The following ST6GAL2 variants were observed in gnomAD, a reference collection of about 807,000 sequenced individuals.
ST6GAL2 encodes the protein ST6 beta-galactoside alpha-2,6-sialyltransferase 2, also known as beta-galactoside alpha-2,6-sialyltransferase 2.
A neutral mutation model predicts 37.5 loss-of-function variants in ST6GAL2; 24 were observed. That is an observed-to-expected ratio of 0.64 (90% CI 0.46 to 0.90). ST6GAL2 has a LOEUF of 0.90. ST6GAL2 is among the 40% of genes least tolerant of loss of function. ST6GAL2 has a pLI of 0.00. For missense variants in ST6GAL2, 715 were observed against 712.7 expected (o/e 1.00, Z -0.04); for synonymous variants, 306 against 295.1 (o/e 1.04, Z -0.38).
intron 1 of ST6GAL2, among the ~76,000 whole-genome samples, chr2:106,859,070 G>T (rs567401276): frequency 1.3e-5 from 2 of 152,334 alleles, no homozygotes; most frequent in African/African-American, 4.8e-5. Flanking sequence ...ATATGTGCAA[G>T]TGGATGCTAA....
rs952861175 is a variant in ST6GAL2 at position 106,843,936 on chromosome 2, G to T, written c.42C>A (p.Phe14Leu). The T allele has an allele frequency of 6.3e-7, 1 of 1,596,416 alleles. No individual in the cohort carries two copies. The highest frequency in any genetic ancestry group is 1.1e-5 in the South Asian group (1 of 90,936). Reference sequence around the variant, plus strand: ...AGAGGAGCCCCCAAGCGAATATTCCGAAAAGCATTCGTTGTCTCCATTGCT... The same window carrying T: ...AGAGGAGCCCCCAAGCGAATATTCCTAAAAGCATTCGTTGTCTCCATTGCT... ...HLKQWRQRML[F>L]GIFAWGLLFL... Residue 14 changes from phenylalanine (F) to leucine (L), a missense_variant, in exon 2 of 6, where the codon TTC (phenylalanine) becomes TTA (leucine). Physicochemically the swap from Phe to Leu is conservative, Grantham distance 22 (BLOSUM62 0). Around this residue, in one of 3 missense-constraint regions of ST6GAL2, gnomAD observed 512 missense variants for 488.8 expected, o/e 1.05. Transcript: ENST00000409382.
intron 1 of ST6GAL2, among the ~76,000 whole-genome samples, chr2:106,868,497 G>A (rs879406865): frequency 1.3e-5 from 2 of 152,150 alleles, no homozygotes; most frequent in Admixed American, 1.3e-4. Context: ...ACTCTTCATA[G>A]GTCATAAATT....
At chr2:106,867,897 C>T (rs527436325) in intron 1 of ST6GAL2, among the ~76,000 whole-genome samples, 2 of 152,238 alleles carry the variant, frequency 1.3e-5, no homozygotes, top group South Asian at 4.2e-4. Flanking sequence ...CAACCTCTCC[C>T]TCCCCCCACA....
intron 5 of ST6GAL2, among the ~76,000 whole-genome samples, chr2:106,818,839 A>G (rs1430047145): frequency 1.3e-5 from 2 of 152,176 alleles, no homozygotes; most frequent in African/African-American, 4.8e-5. Context: ...GAAATTCAAG[A>G]TAACAGAAAG....
At chr2:106,813,056 TG>T in intron 5 of ST6GAL2, 1 of 1,231,326 alleles carries the variant, frequency 8.1e-7, no homozygotes, top group Non-Finnish European at 1.0e-6. Flanking sequence ...CAAATGGGTA[TG>T]GGGCCAGCTG....
intron 1 of ST6GAL2, among the ~76,000 whole-genome samples, chr2:106,858,025 A>C (rs564469147): frequency 1.8e-4 from 28 of 152,316 alleles, no homozygotes; most frequent in Admixed American, 1.4e-3. Flanking sequence ...GCTTGCTGTC[A>C]CATCTTCTTC....
intron 3 of ST6GAL2, among the ~76,000 whole-genome samples, chr2:106,832,995 A>G (rs76421732): frequency 2.0e-5 from 3 of 152,140 alleles, no homozygotes; most frequent in East Asian, 1.9e-4. Context: ...TTGCCTTCAC[A>G]TGTAATTTGG....
At chr2:106,875,462 G>A (rs1655062484) in intron 1 of ST6GAL2, among the ~76,000 whole-genome samples, 2 of 152,182 alleles carry the variant, frequency 1.3e-5, no homozygotes, top group African/African-American at 4.8e-5. Flanking sequence ...ACAGGCGTGA[G>A]CCACTGCACC....
At chr2:106,819,692 A>G (rs919587589) in intron 5 of ST6GAL2, among the ~76,000 whole-genome samples, 1 of 152,094 alleles carries the variant, frequency 6.6e-6, no homozygotes, top group Non-Finnish European at 1.5e-5. Flanking sequence ...CACTATATTA[A>G]GTACATAGAA....
At chr2:106,856,275 T>C (rs1413682606) in intron 1 of ST6GAL2, among the ~76,000 whole-genome samples, 4 of 152,198 alleles carry the variant, frequency 2.6e-5, no homozygotes, top group Non-Finnish European at 5.9e-5. Context: ...CTCTCCTCTT[T>C]CCATGTTGAG....
intron 5 of ST6GAL2, among the ~76,000 whole-genome samples, chr2:106,807,841 G>T (rs1212675308): frequency 6.6e-6 from 1 of 151,938 alleles, no homozygotes; most frequent in Non-Finnish European, 1.5e-5. Context: ...AGCCAGGATG[G>T]TCTCAATCTC....
chr2:106,849,945 A>T (rs76521896), intron 1 of ST6GAL2, among the ~76,000 whole-genome samples: 15,162 of 152,126 alleles, frequency 0.1, 956 homozygotes, highest in Admixed American at 0.12. Context: ...TTTTATCTAC[A>T]ATGCCTGTCT....
At chr2:106,813,471 T>C (rs953513598) in intron 5 of ST6GAL2, among the ~76,000 whole-genome samples, 8 of 152,212 alleles carry the variant, frequency 5.3e-5, no homozygotes, top group Non-Finnish European at 1.2e-4. Flanking sequence ...CTTTAACACA[T>C]GTTCAGATTA....
chr2:106,836,586 T>C (rs890868199), intron 2 of ST6GAL2, among the ~76,000 whole-genome samples: 2 of 151,564 alleles, frequency 1.3e-5, no homozygotes, highest in African/African-American at 4.9e-5. Context: ...TATATATATA[T>C]AATATGTTAG....
rs202001830 is a variant in ST6GAL2, at chr2:106,843,637, G to A, written c.341C>T (p.Ser114Phe). Residue 114 changes from serine (S) to phenylalanine (F), a missense_variant, in exon 2 of 6, where the codon TCC becomes TTC. This residue lies in a region of ST6GAL2 where 512 missense variants were observed against 488.8 expected (regional missense o/e 1.05). Coordinates refer to ENST00000409382, the MANE Select transcript of ST6GAL2 (RefSeq NM_001142351.2). ...DGFEHKEFFS[S>F]QVGRKSQSAF... ...ACTTTGAGATTTTCTCCCCACCTGG[G>A]ATGAAAAAAACTCTTTATGTTCAAA... 3 of 1,613,768 alleles carry A rather than the reference G, an allele frequency of 1.9e-6. No individual in the cohort carries two copies. Among genetic ancestry groups the A allele is most frequent in the East Asian group, 4.5e-5 (2 of 44,840 alleles).
intron 1 of ST6GAL2, among the ~76,000 whole-genome samples, chr2:106,875,879 A>G (rs1678482750): frequency 6.6e-6 from 1 of 152,238 alleles, no homozygotes; most frequent in Admixed American, 6.5e-5. Flanking sequence ...TCCTATATCA[A>G]TGTCCACTTG....
At chr2:106,871,715 T>C (rs1349065300) in intron 1 of ST6GAL2, among the ~76,000 whole-genome samples, 1 of 152,172 alleles carries the variant, frequency 6.6e-6, no homozygotes, top group Non-Finnish European at 1.5e-5. Context: ...GTCTTCCACC[T>C]CCCACATCTT....
chr2:106,880,076 ATAT>A (rs1449757669), intron 1 of ST6GAL2, among the ~76,000 whole-genome samples: 1 of 151,388 alleles, frequency 6.6e-6, no homozygotes, highest in Non-Finnish European at 1.5e-5. Flanking sequence ...ATCTATACAT[ATAT>A]TGACATACTT....
chr2:106,843,194 G>C lies in ST6GAL2; in HGVS notation c.784C>G (p.Arg262Gly). The C allele has an allele frequency of 6.5e-7, 1 of 1,546,412 alleles. No homozygotes were observed. The highest frequency in any genetic ancestry group is 8.7e-7 in the Non-Finnish European group (1 of 1,146,288). ...LCQLRSRARV[R>G]TLDGTEAPFS... ...GGCGCCTCGGTGCCGTCCAGCGTCC[G>C]CACGCGCGCGCGGCTCCGCAGCTGG... Residue 262 changes from arginine to glycine, a missense_variant, in exon 2 of 6, where the codon CGG becomes GGG. Arg to Gly is a moderately radical substitution (Grantham distance 125, BLOSUM62 -2). This residue lies in a region of ST6GAL2 where 512 missense variants were observed against 488.8 expected (regional missense o/e 1.05). Transcript: ENST00000409382.
Sources: allele counts gnomAD v4.1 joint callset (sites outside exome capture counted in the v4.1 genomes callset), GRCh38; gene constraint gnomAD v4.1.1; regional missense constraint gnomAD v4.1.1; transcripts MANE v1.5; gene names NCBI Gene and HGNC (gene_info 2026-07-23, HGNC 2026-07-21).